RRM1: variants seen among roughly 807,000 people sequenced by gnomAD.
RRM1 encodes the protein ribonucleotide reductase catalytic subunit M1.
A neutral mutation model predicts 101.5 loss-of-function variants in RRM1; 19 were observed. The ratio of observed to expected loss-of-function variants is 0.19; its 90% CI spans 0.13 to 0.27. The LOEUF (loss-of-function observed/expected upper bound fraction) is 0.27. Ranked by LOEUF, RRM1 falls within the 10% of genes least tolerant of loss-of-function variation. RRM1 has a pLI of 1.00. For missense variants in RRM1, 500 were observed against 962.9 expected, an observed-to-expected ratio of 0.52 and a Z score of 6.36; for synonymous variants, 298 against 323.4, an observed-to-expected ratio of 0.92 and a Z score of 0.84.
chr11:4,128,558 C>G (rs1407413396), intron 14 of RRM1, among the ~76,000 whole-genome samples: 1 of 152,208 alleles, frequency 6.6e-6, no homozygotes, highest in Non-Finnish European at 1.5e-5. Context: ...TATAAATAGC[C>G]TGTGCACCAA....
intron 9 of RRM1, 133 bp downstream of exon 9, chr11:4,120,061 A>G (rs1446544927): frequency 8.4e-6 from 5 of 593,158 alleles, no homozygotes; most frequent in Non-Finnish European, 1.5e-5. Flanking sequence ...GAGGAGGTAT[A>G]ATTATTTTAA....
At chr11:4,123,070 A>T in intron 11 of RRM1, 113 bp from the exon 12 acceptor site, 1 of 842,334 alleles carries the variant, frequency 1.2e-6, no homozygotes, top group Admixed American at 2.9e-5. Context: ...CTTTAGCAAA[A>T]CTTAGAGAAA....
chr11:4,107,752 T>C (rs2094560208), intron 4 of RRM1, among the ~76,000 whole-genome samples: 1 of 152,248 alleles, frequency 6.6e-6, no homozygotes, highest in Non-Finnish European at 1.5e-5. Context: ...TGTGTATGTG[T>C]GTACATACAT....
intron 7 of RRM1, among the ~76,000 whole-genome samples, 178 bp from the exon 8 acceptor site, chr11:4,118,142 A>T (rs147712868): frequency 1.3e-5 from 2 of 151,572 alleles, no homozygotes; most frequent in Admixed American, 1.3e-4. Flanking sequence ...TGATATTTCG[A>T]TATGTTTTAT....
At position 4,138,302 on chromosome 11, in the gene RRM1, G is replaced by A. The variant is rs1590738755; in HGVS notation, c.2298G>A (p.Glu766=). Residue 766 remains glutamate (E), a synonymous_variant, in exon 19 of 19, where the codon GAG becomes GAA. Transcript: ENST00000300738. ...KLKDKEKVSK[E]EEEKERNTAA... Reference sequence around the variant, plus strand: ...AAGATAAAGAAAAGGTATCAAAAGAGGAAGAAGAGAAGGAGAGGAACACAG... The same window carrying A: ...AAGATAAAGAAAAGGTATCAAAAGAAGAAGAAGAGAAGGAGAGGAACACAG... 2 of 1,612,354 alleles carry A rather than the reference G, an allele frequency of 1.2e-6. No individual in the cohort carries two copies. The highest frequency in any genetic ancestry group is 1.7e-6 in the Non-Finnish European group (2 of 1,178,960).
At position 4,138,309 on chromosome 11, in the gene RRM1, G is replaced by C; in HGVS notation, c.2305G>C (p.Glu769Gln). The change falls in exon 19 of 19, where the codon GAG becomes CAG. Residue 769 changes from glutamate (E) to glutamine (Q), a missense_variant. Glu to Gln is a conservative substitution (Grantham distance 29, BLOSUM62 2). This residue lies in a region of RRM1 where 33 missense variants were observed against 40.7 expected (regional missense o/e 0.81). Transcript: ENST00000300738. Reference protein sequence around the residue: ...DKEKVSKEEEEKERNTAAMVC... With the variant: ...DKEKVSKEEEQKERNTAAMVC... ...AGAAAAGGTATCAAAAGAGGAAGAA[G>C]AGAAGGAGAGGAACACAGCAGCCAT... The C allele has an allele frequency of 6.2e-7, 1 of 1,613,018 alleles. No homozygotes were observed.
intron 7 of RRM1, among the ~76,000 whole-genome samples, chr11:4,116,942 G>T (rs1339358463): frequency 6.6e-6 from 1 of 151,472 alleles, no homozygotes; most frequent in Non-Finnish European, 1.5e-5. Flanking sequence ...ACTCCAGCCT[G>T]GGTAACAGAG....
At chr11:4,126,896 T>C in intron 13 of RRM1, 63 bp downstream of exon 13, 1 of 1,484,006 alleles carries the variant, frequency 6.7e-7, no homozygotes, top group Non-Finnish European at 9.2e-7. Flanking sequence ...GAATCAATCA[T>C]GATCTTCAAG....
At chr11:4,134,533 C>T (rs902626952) in intron 17 of RRM1, among the ~76,000 whole-genome samples, 5 of 152,140 alleles carry the variant, frequency 3.3e-5, no homozygotes, top group Non-Finnish European at 7.3e-5. Context: ...ATAACAGTTC[C>T]ATATTTAATG....
intron 1 of RRM1, among the ~76,000 whole-genome samples, chr11:4,096,761 C>G (rs1404993277): frequency 1.3e-5 from 2 of 151,956 alleles, no homozygotes; most frequent in Non-Finnish European, 2.9e-5. Flanking sequence ...CTTCAGCCTC[C>G]CAAAGTGCTT....
intron 1 of RRM1, 100 bp from the exon 2 acceptor site, chr11:4,101,893 T>C (rs960355464): frequency 1.5e-5 from 10 of 681,512 alleles, no homozygotes; most frequent in African/African-American, 5.4e-5. Context: ...CACTTCATGT[T>C]GGTCAATTTA....
intron 2 of RRM1, among the ~76,000 whole-genome samples, chr11:4,103,876 G>T (rs1465537738): frequency 7.5e-6 from 1 of 133,228 alleles, no homozygotes. Flanking sequence ...TTATCTGTCC[G>T]CCTTGGCCTC....
In RRM1 at chr11:4,118,372, C is replaced by G; in HGVS notation, c.703C>G (p.Leu235Val). 6.2e-7 allele frequency: 1 copy of G among 1,613,814 alleles called. No individual in the cohort carries two copies. The highest frequency in any genetic ancestry group is 8.5e-7 in the Non-Finnish European group (1 of 1,179,774). The part of the protein sequence containing the change: ...DDSIEGIYDT[L>V]KQCALISKSA... ...CAGCATTGAAGGCATTTATGACACTCTAAAGCAATGTGCATTGATTTCTAA... is the reference window on the plus strand; with the variant it reads ...CAGCATTGAAGGCATTTATGACACTGTAAAGCAATGTGCATTGATTTCTAA... The change falls in exon 8 of 19, where the codon CTA becomes GTA. Residue 235 changes from leucine to valine, a missense_variant. This residue lies in a region of RRM1 where 111 missense variants were observed against 219.8 expected (regional missense o/e 0.51). Coordinates refer to ENST00000300738, the MANE Select transcript of RRM1 (RefSeq NM_001033.5).
chr11:4,137,825 C>A lies in RRM1; in HGVS notation c.2191-370C>A, dbSNP rs1387215784. Among the ~76,000 whole-genome samples, 10 of 19,994 alleles carry A rather than the reference C, an allele frequency of 5.0e-4. 4 individuals are homozygous for A. The highest frequency in any genetic ancestry group is 3.9e-3 in the Admixed American group (10 of 2,596). The allele number at this position is 19,994 out of a possible 152,430, so 13.1% of individuals were successfully genotyped here. A position where few individuals can be genotyped will look rare whatever the true frequency, so the allele number is the denominator to read the frequency against. ...CTGACTCCCCAACCTCCCTCCCGGACGGGGCGGCTGGCCGGGCTGGGGGCT... is the reference window on the plus strand; with the variant it reads ...CTGACTCCCCAACCTCCCTCCCGGAAGGGGCGGCTGGCCGGGCTGGGGGCT... On this transcript the variant is annotated intron_variant, in intron 18 of 18. Transcript: ENST00000300738.
rs1176661396 is a variant in RRM1 at position 4,098,415 on chromosome 11, C to CTCCT, written c.19+3405_19+3408dup. On this transcript the variant is annotated intron_variant, in intron 1 of 18. Transcript: ENST00000300738. ...CCTCTCCCCCTCCCTCCGTCCCTTC[C>CTCCT]TCCTTCCTTCCTTCCTTCCTTCCTA... is the stretch of plus-strand genomic sequence containing the variant. Among the ~76,000 whole-genome samples, 140 of 118,948 alleles carry CTCCT rather than the reference C, an allele frequency of 1.2e-3. 1 individual carries two copies. The highest frequency in any genetic ancestry group is 2.2e-3 in the African/African-American group (74 of 33,230). 78.0% of individuals were successfully genotyped at this position (118,948 alleles called of 152,430 possible).
intron 12 of RRM1, 71 bp downstream of exon 12, chr11:4,123,455 A>G: frequency 8.5e-7 from 1 of 1,170,276 alleles, no homozygotes; most frequent in Non-Finnish European, 1.3e-6. Context: ...TGAATTCCTC[A>G]CTTGATTTCA....
Position 4,106,164 on chromosome 11 carries a change from T to C in RRM1, c.227T>C (p.Ile76Thr). The C allele has an allele frequency of 1.2e-6, 2 of 1,614,088 alleles. No individual in the cohort carries two copies. The highest frequency in any genetic ancestry group is 1.7e-6 in the Non-Finnish European group (2 of 1,179,982). Reference sequence around the variant, plus strand: ...ACTACTAAGCACCCTGACTATGCTATCCTGGCAGCCAGGATCGCTGTCTCT... The same window carrying C: ...ACTACTAAGCACCCTGACTATGCTACCCTGGCAGCCAGGATCGCTGTCTCT... ...TLTTKHPDYA[I>T]LAARIAVSNL... The change falls in exon 3 of 19, where the codon ATC becomes ACC. Residue 76 changes from isoleucine to threonine, a missense_variant. Around this residue, in one of 9 missense-constraint regions of RRM1, gnomAD observed 44 missense variants for 119.4 expected, o/e 0.37. Coordinates refer to ENST00000300738, the MANE Select transcript of RRM1 (RefSeq NM_001033.5).
At chr11:4,117,764 T>C (rs1281815498) in intron 7 of RRM1, among the ~76,000 whole-genome samples, 1 of 152,192 alleles carries the variant, frequency 6.6e-6, no homozygotes, top group African/African-American at 2.4e-5. Context: ...ATTTGCATGA[T>C]TGAATATTCA....
chr11:4,131,855 C>T (rs1001866907), intron 15 of RRM1, among the ~76,000 whole-genome samples: 1 of 152,166 alleles, frequency 6.6e-6, no homozygotes, highest in African/African-American at 2.4e-5. Context: ...GGGCCTAGCA[C>T]AATGATTTTA....
Sources: allele counts gnomAD v4.1 joint callset (sites outside exome capture counted in the v4.1 genomes callset), GRCh38; gene constraint gnomAD v4.1.1; regional missense constraint gnomAD v4.1.1; transcripts MANE v1.5; gene names NCBI Gene and HGNC (gene_info 2026-07-23, HGNC 2026-07-21).